Variants in LIG3 observed in about 807,000 individuals in gnomAD.
LIG3 encodes DNA ligase 3.
Under a neutral mutation model 110.9 loss-of-function variants are expected in LIG3, and 58 were observed. The observed-to-expected ratio is 0.52, with a 90% confidence interval of 0.42 to 0.65. LIG3 has a LOEUF of 0.65. Among genes scored for constraint, LIG3 ranks in the 30% least tolerant of loss-of-function variants. The pLI is 0.00. For synonymous variants in LIG3, 422 were observed against 472.8 expected (o/e 0.89, Z 1.39); for missense variants, 1,094 against 1,273.8 (o/e 0.86, Z 2.15).
In LIG3 at chr17:35,005,137, T is replaced by C. The variant is rs370835437; in HGVS notation, c.*631T>C. ...AGGGGACTAGGGTCAGGTAGGAAAA[T>C]GGGGCCTTTATGAAGAAAGGGGAGG... On this transcript the variant is annotated 3_prime_UTR_variant, in exon 20 of 20. Transcript: ENST00000378526. The C allele has an allele frequency of 5.6e-6, 2 of 356,948 alleles. No individual in the cohort carries two copies. Among genetic ancestry groups the C allele is most frequent in the Non-Finnish European group, 5.5e-6 (1 of 180,654 alleles). 22.1% of individuals were successfully genotyped at this position (356,948 alleles called of 1,614,324 possible).
chr17:35,008,628 GTTTTT>G lies in LIG3; in HGVS notation c.*4127_*4131del. 1 of 149,934 alleles carries G rather than the reference GTTTTT, an allele frequency of 6.7e-6. No individual in the cohort carries two copies. Among genetic ancestry groups the G allele is most frequent in the African/African-American group, 2.4e-5 (1 of 40,844 alleles). 9.3% of individuals were successfully genotyped at this position (149,934 alleles called of 1,614,324 possible). The stretch of plus-strand genomic sequence containing the variant: ...TGGTTTTTTTGGGTTTTTTGTTTGT[GTTTTT>G]TTTTGTTTTGTTTTTTGAGACAGAG... On this transcript the variant is annotated 3_prime_UTR_variant, in exon 20 of 20. Coordinates refer to ENST00000378526, the MANE Select transcript of LIG3 (RefSeq NM_013975.4).
intron 2 of LIG3, among the ~76,000 whole-genome samples, chr17:34,983,925 C>A (rs927360919): frequency 1.3e-5 from 2 of 152,230 alleles, no homozygotes; most frequent in Non-Finnish European, 2.9e-5. Flanking sequence ...TTTGCTTTAT[C>A]ATATTTGTTC....
chr17:34,986,803 A>T (rs1342186124), intron 3 of LIG3, among the ~76,000 whole-genome samples: 6 of 152,332 alleles, frequency 3.9e-5, no homozygotes, highest in Non-Finnish European at 8.8e-5. Context: ...GTTTCCCTGA[A>T]TATGCCTAGA....
At chr17:34,985,890 A>G in intron 2 of LIG3, 98 bp from the exon 3 acceptor site, 1 of 1,308,000 alleles carries the variant, frequency 7.6e-7, no homozygotes. Context: ...GTAGTGACTT[A>G]ACAAGCAAGG....
chr17:34,988,924 A>G (rs1480630462), intron 3 of LIG3, among the ~76,000 whole-genome samples: 2 of 152,144 alleles, frequency 1.3e-5, no homozygotes, highest in African/African-American at 4.8e-5. Context: ...GTAATTTCAC[A>G]TTGTCTAACA....
intron 8 of LIG3, 27 bp downstream of exon 8, chr17:34,992,719 T>C: frequency 6.5e-7 from 1 of 1,536,622 alleles, no homozygotes; most frequent in Non-Finnish European, 8.7e-7. Context: ...TGCCTCTGCT[T>C]TCCAGCCTCT....
chr17:34,999,868 G>A lies in LIG3; in HGVS notation c.2331+12G>A. The A allele has an allele frequency of 6.2e-7, 1 of 1,605,854 alleles. No homozygotes were observed. Among genetic ancestry groups the A allele is most frequent in the East Asian group, 2.2e-5 (1 of 44,830 alleles). ...TCCCAGACCCAAAGGTATCAACCCA[G>A]TGGCTTGGGGGCCTCCAGCTCATAG... On this transcript the variant is annotated intron_variant, in intron 16 of 19. Coordinates refer to ENST00000378526, the MANE Select transcript of LIG3 (RefSeq NM_013975.4).
intron 17 of LIG3, 56 bp from the exon 18 acceptor site, chr17:35,001,853 T>A: frequency 6.5e-7 from 1 of 1,527,772 alleles, no homozygotes; most frequent in Non-Finnish European, 8.9e-7. Context: ...ACACCACCTC[T>A]GAGGCCAGAC....
intron 2 of LIG3, among the ~76,000 whole-genome samples, chr17:34,985,545 A>C (rs567320184): frequency 5.9e-5 from 9 of 152,166 alleles, no homozygotes; most frequent in African/African-American, 2.2e-4. Flanking sequence ...GCATCTGGAA[A>C]TTTTCCTTCC....
In LIG3 at chr17:34,991,720, TC is replaced by T. The variant is rs1567688865; in HGVS notation, c.1097del (p.Pro366GlnfsTer50). On this transcript the variant is annotated frameshift_variant, in exon 6 of 20. Coordinates refer to ENST00000378526, the MANE Select transcript of LIG3 (RefSeq NM_013975.4). LOFTEE classifies it high-confidence loss of function. ...IRVFFEQSKS[F>X]PPAAKSLLTI... is the part of the protein sequence containing the mutation. ...GTCTTCTTTGAGCAGAGCAAGTCTT[TC>T]CCCCCAGCTGCCAAGAGCCTCCTTA... The T allele has an allele frequency of 2.5e-6, 4 of 1,613,828 alleles. No individual in the cohort carries two copies. The highest frequency in any genetic ancestry group is 3.4e-6 in the Non-Finnish European group (4 of 1,179,890).
intron 2 of LIG3, among the ~76,000 whole-genome samples, chr17:34,984,262 T>C (rs2090633712): frequency 6.6e-6 from 1 of 152,224 alleles, no homozygotes; most frequent in Non-Finnish European, 1.5e-5. Context: ...CCTCCTTTAA[T>C]CTGAAATATT....
intron 17 of LIG3, among the ~76,000 whole-genome samples, 170 bp from the exon 18 acceptor site, chr17:35,001,739 T>C (rs1385372004): frequency 6.6e-6 from 1 of 152,222 alleles, no homozygotes; most frequent in Non-Finnish European, 1.5e-5. Context: ...TTACTCAGGC[T>C]ATAGGGCCAT....
chr17:34,999,095 C>A, intron 14 of LIG3: 2 of 568,888 alleles, frequency 3.5e-6, no homozygotes, highest in Admixed American at 3.2e-5. Context: ...TGCCCCAGAG[C>A]CCAACAGGTT....
chr17:34,986,425 G>A (rs1269577539), intron 3 of LIG3, among the ~76,000 whole-genome samples: 2 of 152,044 alleles, frequency 1.3e-5, no homozygotes, highest in Non-Finnish European at 1.5e-5. Flanking sequence ...GGGTTCAAGC[G>A]ATTCTCCCAC....
intron 1 of LIG3, 132 bp downstream of exon 1, chr17:34,980,754 G>A (rs2090576518): frequency 1.1e-5 from 4 of 352,772 alleles, no homozygotes; most frequent in Admixed American, 6.4e-5. Flanking sequence ...GCGGAGCCCC[G>A]GGGCACACCC....
chr17:34,991,884 C>T (rs200917580), intron 6 of LIG3, 47 bp downstream of exon 6: 31 of 1,613,698 alleles, frequency 1.9e-5, no homozygotes, highest in Non-Finnish European at 2.6e-5. Flanking sequence ...GAGATGAACT[C>T]TCTTGGGAAG....
At chr17:34,992,416 C>T (rs2090731957) in intron 7 of LIG3, 108 bp from the exon 8 acceptor site, 2 of 1,207,616 alleles carry the variant, frequency 1.7e-6, no homozygotes, top group South Asian at 1.5e-5. Context: ...GAACACAACC[C>T]CTTCCCTACA....
At chr17:35,001,441 A>G in intron 17 of LIG3, 38 bp downstream of exon 17, 3 of 1,600,214 alleles carry the variant, frequency 1.9e-6, no homozygotes, top group African/African-American at 1.3e-5. Flanking sequence ...TCTCCACCCC[A>G]CTGTCCAGGC....
Position 34,992,605 on chromosome 17 carries a change from C to T in LIG3, c.1368C>T (p.His456=), listed in dbSNP as rs779360958. ...AGGATGTGGTGGAGCGGGTCCTTCA[C>T]AACGCGCAGGAGGTGGAGAAGGAGC... ...NLQDVVERVL[H]NAQEVEKEPG... Residue 456 remains histidine, a synonymous_variant, in exon 8 of 20, where the codon CAC becomes CAT. Transcript: ENST00000378526. 1 of 1,613,950 alleles carries T rather than the reference C, an allele frequency of 6.2e-7. No individual in the cohort carries two copies. Among genetic ancestry groups the T allele is most frequent in the Non-Finnish European group, 8.5e-7 (1 of 1,179,934 alleles).
Sources: allele counts gnomAD v4.1 joint callset (sites outside exome capture counted in the v4.1 genomes callset), GRCh38; gene constraint gnomAD v4.1.1; transcripts MANE v1.5; gene names NCBI Gene and HGNC (gene_info 2026-07-23, HGNC 2026-07-21).